PHF20L1: variants seen among roughly 807,000 people sequenced by gnomAD.
PHF20L1 encodes the protein PHD finger protein 20 like 1.
PHF20L1 carries 44 observed loss-of-function variants against 125.5 expected under a neutral mutation model. The ratio of observed to expected loss-of-function variants is 0.35; its 90% CI spans 0.28 to 0.45. The LOEUF (loss-of-function observed/expected upper bound fraction) is 0.45. Among genes scored for constraint, PHF20L1 ranks in the 20% least tolerant of loss-of-function variants. The pLI is 1.00. For missense variants in PHF20L1, 1,012 were observed against 1,217.2 expected, an observed-to-expected ratio of 0.83 and a Z score of 2.51; for synonymous variants, 380 against 403.1, an observed-to-expected ratio of 0.94 and a Z score of 0.69.
chr8:132,794,925 A>G, intron 4 of PHF20L1, 108 bp downstream of exon 4: 1 of 667,336 alleles, frequency 1.5e-6, no homozygotes. Flanking sequence ...TATAACTTTT[A>G]TATTTTCTGT....
Position 132,847,434 on chromosome 8 carries a change from C to T in PHF20L1, c.*1511C>T, listed in dbSNP as rs771100407. Reference sequence around the variant, plus strand: ...TCAGTTCTCGCAATCTGTATAAATGCATTTTAGAACTGATAGACAGTAAAC... The same window carrying T: ...TCAGTTCTCGCAATCTGTATAAATGTATTTTAGAACTGATAGACAGTAAAC... On this transcript the variant is annotated 3_prime_UTR_variant, in exon 21 of 21. Coordinates refer to ENST00000395386, the MANE Select transcript of PHF20L1 (RefSeq NM_016018.5). The T allele has an allele frequency of 1.3e-5, 2 of 152,482 alleles. No homozygotes were observed. Among genetic ancestry groups the T allele is most frequent in the Non-Finnish European group, 2.9e-5 (2 of 67,988 alleles). The allele number at this position is 152,482 out of a possible 1,614,324, so 9.4% of individuals were successfully genotyped here.
intron 1 of PHF20L1, 44 bp from the exon 2 acceptor site, chr8:132,777,748 A>G (rs1028086754): frequency 3.9e-5 from 33 of 849,564 alleles, no homozygotes; most frequent in African/African-American, 3.9e-4. Flanking sequence ...TCTACTTCCT[A>G]TGCATTTTCT....
In PHF20L1 at chr8:132,780,204, C is replaced by A. The variant is rs564901549; in HGVS notation, c.83+2293C>A. Among the ~76,000 whole-genome samples the A allele has an allele frequency of 5.9e-5, 9 of 151,936 alleles. No individual in the cohort carries two copies. The South Asian group carries it at 1.9e-3, about 32-fold the overall frequency. ...TCAAGAACTAGTTAGGCTTAGGTGC[C>A]CCTTAAATTTAGTATTAGGTGGTGT... On this transcript the variant is annotated intron_variant, in intron 2 of 20. Coordinates refer to ENST00000395386, the MANE Select transcript of PHF20L1 (RefSeq NM_016018.5).
rs528056186 is a variant in PHF20L1, at chr8:132,836,999, G to A, written c.2091+278G>A. Among the ~76,000 whole-genome samples the A allele has an allele frequency of 4.6e-5, 7 of 152,166 alleles. No homozygotes were observed. In the East Asian group the frequency reaches 5.8e-4, roughly 13 times the overall value. Reference sequence around the variant, plus strand: ...TGATTAGGGTGGTAAACCCTCACACGAAAGGGCAGGCTACAGCAACCTTTC... The same window carrying A: ...TGATTAGGGTGGTAAACCCTCACACAAAAGGGCAGGCTACAGCAACCTTTC... On this transcript the variant is annotated intron_variant, in intron 16 of 20. Coordinates refer to ENST00000395386, the MANE Select transcript of PHF20L1 (RefSeq NM_016018.5).
At chr8:132,788,356 A>G (rs1478207196) in intron 2 of PHF20L1, among the ~76,000 whole-genome samples, 1 of 152,168 alleles carries the variant, frequency 6.6e-6, no homozygotes, top group Non-Finnish European at 1.5e-5. Flanking sequence ...CATAATTTGA[A>G]TAACTTATTG....
rs1237850153 is a variant in PHF20L1, at chr8:132,824,019, A to G, written c.1595A>G (p.Glu532Gly). Reference sequence around the variant, plus strand: ...TAACCCACAGGAATATCGAAAACAGAAAAAAAAGTGAAATTGGAAGACAAA... The same window carrying G: ...TAACCCACAGGAATATCGAAAACAGGAAAAAAAGTGAAATTGGAAGACAAA... ...APAAAGISKT[E>G]KKVKLEDKSS... Residue 532 changes from glutamate to glycine, a missense_variant, in exon 13 of 21, where the codon GAA (glutamate) becomes GGA (glycine). By Grantham distance (98) the Glu-to-Gly change is moderately conservative. Coordinates refer to ENST00000395386, the MANE Select transcript of PHF20L1 (RefSeq NM_016018.5). 8 of 1,590,982 alleles carry G rather than the reference A, an allele frequency of 5.0e-6. No individual in the cohort carries two copies. Among genetic ancestry groups the G allele is most frequent in the South Asian group, 2.2e-5 (2 of 89,628 alleles).
intron 9 of PHF20L1, among the ~76,000 whole-genome samples, chr8:132,813,459 T>G (rs761547684): frequency 6.6e-6 from 1 of 151,962 alleles, no homozygotes; most frequent in Non-Finnish European, 1.5e-5. Context: ...AAATTTGACT[T>G]GTATCTCAGT....
intron 2 of PHF20L1, among the ~76,000 whole-genome samples, chr8:132,781,735 G>C (rs779409418): frequency 1.3e-5 from 2 of 152,098 alleles, no homozygotes; most frequent in Non-Finnish European, 2.9e-5. Flanking sequence ...CAGGCCTAAA[G>C]TAGTGATTTA....
At chr8:132,836,190 G>T (rs1005255123) in intron 15 of PHF20L1, among the ~76,000 whole-genome samples, 5 of 152,190 alleles carry the variant, frequency 3.3e-5, no homozygotes, top group African/African-American at 1.2e-4. Context: ...GACAACACAG[G>T]GTTTTTATGA....
At chr8:132,804,855 C>A in intron 8 of PHF20L1, 115 bp downstream of exon 8, 1 of 851,930 alleles carries the variant, frequency 1.2e-6, no homozygotes, top group Non-Finnish European at 1.8e-6. Flanking sequence ...CTGTTAATAA[C>A]AAAGACAATT....
intron 20 of PHF20L1, 149 bp from the exon 21 acceptor site, chr8:132,845,632 C>G (rs1405144178): frequency 3.3e-6 from 2 of 611,770 alleles, no homozygotes; most frequent in Non-Finnish European, 5.8e-6. Flanking sequence ...AGGACGCTAA[C>G]CTCTCGGAAA....
At position 132,845,820 on chromosome 8, in the gene PHF20L1, C is replaced by T; in HGVS notation, c.2951C>T (p.Pro984Leu). The change falls in exon 21 of 21, where the codon CCA becomes CTA. Residue 984 changes from proline to leucine, a missense_variant. Coordinates refer to ENST00000395386, the MANE Select transcript of PHF20L1 (RefSeq NM_016018.5). ...SWLDFTGELE[P>L]PDPLARLPQL... ...CTTGATTTCACAGGGGAGTTGGAGCCACCAGATCCTCTTGCAAGATTGCCC... is the reference window on the plus strand; with the variant it reads ...CTTGATTTCACAGGGGAGTTGGAGCTACCAGATCCTCTTGCAAGATTGCCC... 1 of 1,610,194 alleles carries T rather than the reference C, an allele frequency of 6.2e-7. No homozygotes were observed. The highest frequency in any genetic ancestry group is 8.5e-7 in the Non-Finnish European group (1 of 1,176,752).
chr8:132,800,215 A>G (rs965426954), intron 6 of PHF20L1, among the ~76,000 whole-genome samples: 5 of 151,688 alleles, frequency 3.3e-5, no homozygotes, highest in African/African-American at 7.3e-5. Context: ...ATTGGATGTT[A>G]TGGATGTTTG....
In PHF20L1 at chr8:132,796,925, T is replaced by G. The variant is rs1310905379; in HGVS notation, c.341-1847T>G. Among the ~76,000 whole-genome samples the G allele has an allele frequency of 3.3e-5, 5 of 152,064 alleles. No homozygotes were observed. In the East Asian group the frequency reaches 9.6e-4, roughly 29 times the overall value. ...TTCATAACAGTTTCTTTTAAGAGCT[T>G]TGGGGCCTTCGTTACATGCTTAAAG... On this transcript the variant is annotated intron_variant, in intron 4 of 20. Transcript: ENST00000395386.
At chr8:132,813,554 T>C (rs1368653075) in intron 9 of PHF20L1, among the ~76,000 whole-genome samples, 1 of 152,038 alleles carries the variant, frequency 6.6e-6, no homozygotes, top group Non-Finnish European at 1.5e-5. Context: ...CTGATAGTTA[T>C]TCTCCACAAG....
intron 18 of PHF20L1, among the ~76,000 whole-genome samples, chr8:132,840,612 T>C (rs989500263): frequency 9.9e-5 from 15 of 152,096 alleles, no homozygotes; most frequent in African/African-American, 3.6e-4. Context: ...CTGTGCTTTT[T>C]CCCCCAAACA....
chr8:132,843,246 A>T, intron 19 of PHF20L1: 2 of 984,204 alleles, frequency 2.0e-6, no homozygotes, highest in Non-Finnish European at 2.4e-6. Flanking sequence ...TGTGAGTTAG[A>T]TAAAAGGTGG....
intron 2 of PHF20L1, among the ~76,000 whole-genome samples, chr8:132,780,304 T>C (rs1052091703): frequency 6.6e-6 from 1 of 152,134 alleles, no homozygotes; most frequent in African/African-American, 2.4e-5. Flanking sequence ...AGATTAGTGC[T>C]CTTAACATTT....
intron 2 of PHF20L1, among the ~76,000 whole-genome samples, chr8:132,781,332 T>G (rs1411563152): frequency 6.6e-6 from 1 of 152,218 alleles, no homozygotes; most frequent in African/African-American, 2.4e-5. Flanking sequence ...ATCGTATAAT[T>G]CTTACAGATC....
Sources: gnomAD v4.1 joint callset for allele counts (sites outside exome capture counted in the v4.1 genomes callset) on GRCh38, gnomAD v4.1.1 for gene constraint, MANE v1.5 for transcripts, NCBI Gene and HGNC (gene_info 2026-07-23, HGNC 2026-07-21) for gene names.